KCNJ5: variants seen among roughly 807,000 people sequenced by gnomAD.
The protein encoded by KCNJ5 is potassium inwardly rectifying channel subfamily J member 5.
In KCNJ5, 12 loss-of-function variants were observed where a neutral mutation model predicts 20.2. The ratio of observed to expected loss-of-function variants is 0.59; its 90% CI spans 0.38 to 0.96. The LOEUF (loss-of-function observed/expected upper bound fraction) is 0.96. Among genes scored for constraint, KCNJ5 ranks in the 40% least tolerant of loss-of-function variants. The probability of loss-of-function intolerance (pLI) is 0.00; values close to 1 mark genes in which losing one functional copy is unlikely to be tolerated. For missense variants in KCNJ5, 449 were observed against 557.6 expected, an observed-to-expected ratio of 0.81 and a Z score of 1.96; for synonymous variants, 210 against 213.9, an observed-to-expected ratio of 0.98 and a Z score of 0.16.
intron 2 of KCNJ5, 130 bp from the exon 3 acceptor site, chr11:128,916,279 T>TGGATGAAC (rs1475484978): frequency 1.4e-6 from 1 of 721,064 alleles, no homozygotes; most frequent in Admixed American, 2.1e-5. Context: ...GATGGATGGA[T>TGGATGAAC]GAACAGATGA....
Position 128,911,405 on chromosome 11 carries a change from C to T in KCNJ5, c.132C>T (p.Ala44=), listed in dbSNP as rs757867512. The T allele has an allele frequency of 4.3e-6, 7 of 1,614,192 alleles. No homozygotes were observed. The highest frequency in any genetic ancestry group is 1.1e-5 in the South Asian group (1 of 91,082). ...PIATDRTRLL[A]EGKKPRQRYM... Reference sequence around the variant, plus strand: ...CCACAGACCGTACGCGCCTGCTGGCCGAGGGCAAGAAGCCACGCCAGCGCT... The same window carrying T: ...CCACAGACCGTACGCGCCTGCTGGCTGAGGGCAAGAAGCCACGCCAGCGCT... The change falls in exon 2 of 3, where the codon GCC becomes GCT. Residue 44 remains alanine, a synonymous_variant. Coordinates refer to ENST00000529694, the MANE Select transcript of KCNJ5 (RefSeq NM_000890.5). The surrounding 1 kb of genome is among the most constrained non-coding windows in gnomAD (Gnocchi z 6.3).
chr11:128,906,882 G>A (rs1171778848), intron 1 of KCNJ5, among the ~76,000 whole-genome samples: 1 of 152,128 alleles, frequency 6.6e-6, no homozygotes, highest in Non-Finnish European at 1.5e-5. Context: ...GTGTATACCA[G>A]GGGGCAGGAA....
At chr11:128,913,633 G>T (rs1317319089) in intron 2 of KCNJ5, among the ~76,000 whole-genome samples, 1 of 151,078 alleles carries the variant, frequency 6.6e-6, no homozygotes, top group Non-Finnish European at 1.5e-5. Context: ...CCTAAGGATG[G>T]GTTCTAGAAA....
chr11:128,909,761 G>A (rs529615793), intron 1 of KCNJ5: 2 of 152,314 alleles, frequency 1.3e-5, no homozygotes, highest in African/African-American at 2.4e-5. Context: ...CCCTATACCC[G>A]GGAGGGAGGG....
intron 2 of KCNJ5, among the ~76,000 whole-genome samples, chr11:128,914,852 C>A (rs1232240493): frequency 2.0e-5 from 3 of 152,238 alleles, no homozygotes; most frequent in East Asian, 1.9e-4. Context: ...CTGCCCATAC[C>A]TTTCCCAAGG....
At position 128,911,828 on chromosome 11, in the gene KCNJ5, C is replaced by T; in HGVS notation, c.555C>T (p.Cys185=). 3 of 1,614,138 alleles carry T rather than the reference C, an allele frequency of 1.9e-6. No individual in the cohort carries two copies. The highest frequency in any genetic ancestry group is 2.2e-5 in the East Asian group (1 of 44,882). The change falls in exon 2 of 3, where the codon TGC becomes TGT. Residue 185 remains cysteine (C), a synonymous_variant. Transcript: ENST00000529694. This position sits in a 1 kb window ranked among gnomAD's most constrained non-coding sequence, Gnocchi z 6.3. ...TCGTCAATGCCTTCATGGTGGGGTG[C>T]ATGTTTGTCAAGATCAGCCAGCCCA... The part of the protein sequence containing the change: ...GSIVNAFMVG[C]MFVKISQPKK...
chr11:128,904,394 G>A (rs761398239), intron 1 of KCNJ5: 11 of 1,612,202 alleles, frequency 6.8e-6, no homozygotes, highest in Middle Eastern at 1.6e-4. Flanking sequence ...AACTCCTTGC[G>A]GACAGAGAAC....
rs1430545032 is a variant in KCNJ5, at chr11:128,891,660, C to T, written c.-72C>T. 6 of 152,364 alleles carry T rather than the reference C, an allele frequency of 3.9e-5. No homozygotes were observed. The highest frequency in any genetic ancestry group is 9.7e-5 in the African/African-American group (4 of 41,432). 9.4% of individuals were successfully genotyped at this position (152,364 alleles called of 1,614,324 possible). ...TCAAAAGCCCTGAGCCCCCCTGCACCGCCGCTAAGGGACACCCCAGAAGTT... is the reference window on the plus strand; with the variant it reads ...TCAAAAGCCCTGAGCCCCCCTGCACTGCCGCTAAGGGACACCCCAGAAGTT... On this transcript the variant is annotated 5_prime_UTR_variant, in exon 1 of 3. Coordinates refer to ENST00000529694, the MANE Select transcript of KCNJ5 (RefSeq NM_000890.5).
chr11:128,891,806 C>T (rs1591435641), intron 1 of KCNJ5, 85 bp downstream of exon 1: 1 of 152,300 alleles, frequency 6.6e-6, no homozygotes, highest in East Asian at 1.9e-4. Context: ...TGTCCATCAC[C>T]TGGGCAGCAG....
intron 1 of KCNJ5, among the ~76,000 whole-genome samples, chr11:128,897,822 T>C (rs1258035237): frequency 6.6e-6 from 1 of 152,254 alleles, no homozygotes; most frequent in African/African-American, 2.4e-5. Flanking sequence ...TTAACTTTGG[T>C]ATAAAGTCTG....
intron 1 of KCNJ5, among the ~76,000 whole-genome samples, chr11:128,892,231 T>C (rs761858867): frequency 2.0e-5 from 3 of 152,240 alleles, no homozygotes; most frequent in South Asian, 2.1e-4. Context: ...ACTTCCTGCG[T>C]ACCTCCCTAT....
chr11:128,916,413 G>T lies in KCNJ5; in HGVS notation c.942G>T (p.Met314Ile). The change falls in exon 3 of 3, where the codon ATG becomes ATT. Residue 314 changes from methionine (M) to isoleucine (I), a missense_variant. Around this residue, in one of 5 missense-constraint regions of KCNJ5, gnomAD observed 145 missense variants for 166.2 expected, o/e 0.87. Coordinates refer to ENST00000529694, the MANE Select transcript of KCNJ5 (RefSeq NM_000890.5). ...ILEGMVEATGMTCQARSSYMD... is the reference protein window; with the variant it reads ...ILEGMVEATGITCQARSSYMD... ...ATGTAACTTCCGTTTCCCCAGGCAT[G>T]ACCTGCCAAGCCCGGAGCTCCTACA... 6.2e-7 allele frequency: 1 copy of T among 1,613,960 alleles called. No individual in the cohort carries two copies. The highest frequency in any genetic ancestry group is 1.1e-5 in the South Asian group (1 of 91,064).
intron 1 of KCNJ5, among the ~76,000 whole-genome samples, chr11:128,905,097 T>C (rs115156125): frequency 0.026 from 3,989 of 152,336 alleles, 165 homozygotes; most frequent in African/African-American, 0.087. Flanking sequence ...TGTCCACCGG[T>C]GTGGCTTGGG....
intron 2 of KCNJ5, 75 bp downstream of exon 2, chr11:128,912,285 G>T: frequency 8.4e-7 from 1 of 1,194,200 alleles, no homozygotes; most frequent in Admixed American, 1.7e-5. Context: ...GACTCCAGAA[G>T]ATGCAGGTCT....
At chr11:128,900,798 G>A (rs1044587719) in intron 1 of KCNJ5, 3 of 152,230 alleles carry the variant, frequency 2.0e-5, no homozygotes, top group African/African-American at 7.2e-5. Context: ...GGATTCTCCT[G>A]AGCCAACACA....
chr11:128,896,082 CTCTT>C (rs1206525529), intron 1 of KCNJ5, among the ~76,000 whole-genome samples: 7 of 152,210 alleles, frequency 4.6e-5, no homozygotes, highest in African/African-American at 1.4e-4. Context: ...CTCCCTCTCT[CTCTT>C]TCTCAGTTTG....
chr11:128,891,437 C>CAGAAAGAGAGAGAG lies in KCNJ5; in HGVS notation c.-294_-293insGAAAGAGAGAGAGA, dbSNP rs886047996. 1 of 74,426 alleles carries CAGAAAGAGAGAGAG rather than the reference C, an allele frequency of 1.3e-5. No individual in the cohort carries two copies. Among genetic ancestry groups the CAGAAAGAGAGAGAG allele is most frequent in the African/African-American group, 6.3e-5 (1 of 15,968 alleles). The allele number at this position is 74,426 out of a possible 1,614,324, so 4.6% of individuals were successfully genotyped here. On this transcript the variant is annotated 5_prime_UTR_variant, in exon 1 of 3. Transcript: ENST00000529694. Reference sequence around the variant, plus strand: ...ACACACACACACACACACACACACACACACAGAGAGAGAGAGAGAGAGAGA... The same window carrying CAGAAAGAGAGAGAG: ...ACACACACACACACACACACACACACAGAAAGAGAGAGAGACACAGAGAGAGAGAGAGAGAGAGA...
At chr11:128,906,181 G>A (rs1309783368) in intron 1 of KCNJ5, 1 of 152,142 alleles carries the variant, frequency 6.6e-6, no homozygotes, top group Non-Finnish European at 1.5e-5. Flanking sequence ...GCTCTTTTTG[G>A]TGAGTACTGT....
intron 1 of KCNJ5, among the ~76,000 whole-genome samples, chr11:128,897,644 G>A (rs189768570): frequency 1.3e-5 from 2 of 152,238 alleles, no homozygotes; most frequent in East Asian, 1.9e-4. Context: ...CAGAGCAAGT[G>A]TTTTTAATTT....
Sources: gnomAD v4.1 joint callset for allele counts (sites outside exome capture counted in the v4.1 genomes callset) on GRCh38, gnomAD v4.1.1 for gene constraint, gnomAD v4.1.1 regional missense constraint, Gnocchi (gnomAD v3.1) non-coding constraint, MANE v1.5 for transcripts, NCBI Gene and HGNC (gene_info 2026-07-23, HGNC 2026-07-21) for gene names.